FBXO8: variants seen among roughly 807,000 people sequenced by gnomAD.
The protein encoded by FBXO8 is F-box only protein 8.
In FBXO8, 15 loss-of-function variants were observed where a neutral mutation model predicts 33.4. The observed-to-expected ratio is 0.45, with a 90% confidence interval of 0.30 to 0.69. FBXO8 has a LOEUF of 0.69. FBXO8 is among the 30% of genes least tolerant of loss of function. FBXO8 has a pLI of 0.08. For synonymous variants in FBXO8, 132 were observed against 131.5 expected, an observed-to-expected ratio of 1.00 and a Z score of -0.02; for missense variants, 274 against 380.3, an observed-to-expected ratio of 0.72 and a Z score of 2.32.
Position 174,239,158 on chromosome 4 carries a change from T to G in FBXO8, c.608A>C (p.His203Pro). The G allele has an allele frequency of 6.3e-7, 1 of 1,595,780 alleles. No individual in the cohort carries two copies. Among genetic ancestry groups the G allele is most frequent in the Non-Finnish European group, 8.5e-7 (1 of 1,169,698 alleles). ...RDVLDDLVTL[H>P]NFRNQFLPNA... ...TGGCAAGAACTGATTTCTAAAATTA[T>G]GCAATGTTACAAGGTCATCCAAGAC... The change falls in exon 5 of 6, where the codon CAT (histidine) becomes CCT (proline). Residue 203 changes from histidine (H) to proline (P), a missense_variant. Coordinates refer to ENST00000393674, the MANE Select transcript of FBXO8 (RefSeq NM_012180.3).
chr4:174,242,031 A>G (rs1736052353), intron 3 of FBXO8, among the ~76,000 whole-genome samples: 1 of 151,628 alleles, frequency 6.6e-6, no homozygotes, highest in Non-Finnish European at 1.5e-5. Flanking sequence ...ACATTCAAAT[A>G]AATGTCTTCG....
intron 3 of FBXO8, among the ~76,000 whole-genome samples, chr4:174,243,479 C>A (rs1164531880): frequency 6.7e-6 from 1 of 150,060 alleles, no homozygotes; most frequent in Non-Finnish European, 1.5e-5. Flanking sequence ...CTGTAAGTCA[C>A]CCAAATTCTT....
At position 174,259,174 on chromosome 4, in the gene FBXO8, C is replaced by T. The variant is rs1579028406; in HGVS notation, c.456+525G>A. 6.6e-6 allele frequency among the ~76,000 whole-genome samples: 1 copy of T among 151,802 alleles called. No homozygotes were observed. The highest frequency in any genetic ancestry group is 2.4e-5 in the African/African-American group (1 of 41,364). On this transcript the variant is annotated intron_variant, in intron 3 of 5. Transcript: ENST00000393674. This position sits in a 1 kb window ranked among gnomAD's most constrained non-coding sequence, Gnocchi z 4.3. ...TTAAGAAAGAATTAAATAATTAATA[C>T]AAAATTATTCAATTTTATAACAATC...
At position 174,262,930 on chromosome 4, in the gene FBXO8, G is replaced by T. The variant is rs1285444932; in HGVS notation, c.163C>A (p.His55Asn). The T allele has an allele frequency of 6.2e-7, 1 of 1,614,040 alleles. No homozygotes were observed. Among genetic ancestry groups the T allele is most frequent in the South Asian group, 1.1e-5 (1 of 91,074 alleles). Reference protein sequence around the residue: ...KQVQGGIDIYHLLKARKSKEQ... With the variant: ...KQVQGGIDIYNLLKARKSKEQ... ...TTCGATTTCCTTGCCTTCAAAAGATGATATATGTCAATGCCTCCTTGGACT... is the reference window on the plus strand; with the variant it reads ...TTCGATTTCCTTGCCTTCAAAAGATTATATATGTCAATGCCTCCTTGGACT... Residue 55 changes from histidine (H) to asparagine (N), a missense_variant, in exon 2 of 6, where the codon CAT becomes AAT. His to Asn is a moderately conservative substitution (Grantham distance 68). Around this residue, in one of 2 missense-constraint regions of FBXO8, gnomAD observed 88 missense variants for 86.9 expected, o/e 1.01. Transcript: ENST00000393674. This position sits in a 1 kb window ranked among gnomAD's most constrained non-coding sequence, Gnocchi z 4.6.
At chr4:174,280,732 G>T (rs1737064898) in intron 1 of FBXO8, among the ~76,000 whole-genome samples, 1 of 152,092 alleles carries the variant, frequency 6.6e-6, no homozygotes, top group Admixed American at 6.5e-5. Flanking sequence ...AAATAAGCCA[G>T]TCAAAAAAAG....
At position 174,267,234 on chromosome 4, in the gene FBXO8, T is replaced by C. The variant is rs1027007212; in HGVS notation, c.-8-4134A>G. Among the ~76,000 whole-genome samples the C allele has an allele frequency of 6.6e-6, 1 of 152,192 alleles. No homozygotes were observed. The highest frequency in any genetic ancestry group is 2.4e-5 in the African/African-American group (1 of 41,442). On this transcript the variant is annotated intron_variant, in intron 1 of 5. Coordinates refer to ENST00000393674, the MANE Select transcript of FBXO8 (RefSeq NM_012180.3). The surrounding 1 kb of genome is among the most constrained non-coding windows in gnomAD (Gnocchi z 4.7). ...CAATAGCAGTTCCATGAAATAGGTCTTTGTGTTATTGTTAATAATCTGTCA... is the reference window on the plus strand; with the variant it reads ...CAATAGCAGTTCCATGAAATAGGTCCTTGTGTTATTGTTAATAATCTGTCA...
chr4:174,249,505 T>A (rs986667786), intron 3 of FBXO8, among the ~76,000 whole-genome samples: 9 of 152,104 alleles, frequency 5.9e-5, no homozygotes, highest in African/African-American at 1.7e-4. Flanking sequence ...GACTAACCCA[T>A]AAATACTAGT....
At chr4:174,271,726 G>C (rs1736840987) in intron 1 of FBXO8, among the ~76,000 whole-genome samples, 1 of 152,116 alleles carries the variant, frequency 6.6e-6, no homozygotes, top group African/African-American at 2.4e-5. Flanking sequence ...GCACAAATCT[G>C]TAAGTCACTT....
Position 174,256,637 on chromosome 4 carries a change from T to G in FBXO8, c.456+3062A>C, listed in dbSNP as rs1736422705. On this transcript the variant is annotated intron_variant, in intron 3 of 5. Transcript: ENST00000393674. This position sits in a 1 kb window ranked among gnomAD's most constrained non-coding sequence, Gnocchi z 4.6. ...GTACAGAATATAGTCACTGAACTACTTCCCCTCATTTCTCTGACCTTATTA... is the reference window on the plus strand; with the variant it reads ...GTACAGAATATAGTCACTGAACTACGTCCCCTCATTTCTCTGACCTTATTA... Among the ~76,000 whole-genome samples the G allele has an allele frequency of 6.6e-6, 1 of 152,210 alleles. No individual in the cohort carries two copies. Among genetic ancestry groups the G allele is most frequent in the Non-Finnish European group, 1.5e-5 (1 of 68,026 alleles).
At chr4:174,243,163 ATTC>A (rs1736079099) in intron 3 of FBXO8, among the ~76,000 whole-genome samples, 1 of 151,574 alleles carries the variant, frequency 6.6e-6, no homozygotes. Flanking sequence ...TGTTAGCCAT[ATTC>A]TGTTTTATAA....
chr4:174,259,550 T>C lies in FBXO8; in HGVS notation c.456+149A>G, dbSNP rs1372415649. ...GGCGAAGAAAAATGACTATGTCACATAGCAATAGTTTAAAATATTGGTTTT... is the reference window on the plus strand; with the variant it reads ...GGCGAAGAAAAATGACTATGTCACACAGCAATAGTTTAAAATATTGGTTTT... On this transcript the variant is annotated intron_variant, in intron 3 of 5. Transcript: ENST00000393674. This position sits in a 1 kb window ranked among gnomAD's most constrained non-coding sequence, Gnocchi z 4.3. The C allele has an allele frequency of 4.0e-5, 39 of 966,044 alleles. No individual in the cohort carries two copies. The Admixed American group carries it at 4.3e-4, about 11-fold the overall frequency. 59.8% of individuals were successfully genotyped at this position (966,044 alleles called of 1,614,324 possible).
At chr4:174,242,665 A>T (rs998341935) in intron 3 of FBXO8, among the ~76,000 whole-genome samples, 19 of 150,584 alleles carry the variant, frequency 1.3e-4, no homozygotes, top group Non-Finnish European at 7.5e-5. Context: ...AAAATGTAAT[A>T]TGATAAGATG....
chr4:174,238,970 T>C (rs1344132443), intron 5 of FBXO8, 24 bp downstream of exon 5: 1 of 1,363,748 alleles, frequency 7.3e-7, no homozygotes, highest in African/African-American at 1.5e-5. Context: ...GGGGGTGATG[T>C]ACTATTAATA....
chr4:174,259,849 CAAG>C lies in FBXO8; in HGVS notation c.330-27_330-25del, dbSNP rs1560871207. The C allele has an allele frequency of 1.9e-6, 3 of 1,555,020 alleles. No homozygotes were observed. The East Asian group carries it at 7.0e-5, about 36-fold the overall frequency. On this transcript the variant is annotated intron_variant, in intron 2 of 5. Transcript: ENST00000393674. This position sits in a 1 kb window ranked among gnomAD's most constrained non-coding sequence, Gnocchi z 4.3. The stretch of plus-strand genomic sequence containing the variant: ...ACCTATAAAATCAGAGAAAATGAGA[CAAG>C]AAAACATTACTACATTTAATTTCCT...
intron 1 of FBXO8, among the ~76,000 whole-genome samples, chr4:174,268,702 C>G (rs1171298624): frequency 5.3e-5 from 8 of 152,312 alleles, no homozygotes; most frequent in South Asian, 4.1e-4. Flanking sequence ...TCCCAAAGTG[C>G]TGGGATTACA....
chr4:174,269,636 G>C (rs1198787510), intron 1 of FBXO8, among the ~76,000 whole-genome samples: 1 of 146,566 alleles, frequency 6.8e-6, no homozygotes, highest in East Asian at 2.0e-4. Context: ...ACCGAGCCGA[G>C]AATGTGGCAC....
At chr4:174,238,203 G>C (rs933563657) in intron 5 of FBXO8, among the ~76,000 whole-genome samples, 2 of 151,882 alleles carry the variant, frequency 1.3e-5, no homozygotes, top group African/African-American at 2.4e-5. Flanking sequence ...CAAATCTTTA[G>C]GGAAAAGACT....
chr4:174,244,153 G>A (rs968505438), intron 3 of FBXO8, among the ~76,000 whole-genome samples: 2 of 151,404 alleles, frequency 1.3e-5, no homozygotes, highest in Non-Finnish European at 3.0e-5. Context: ...CTCTTTTGGG[G>A]GGCTATGGAC....
At chr4:174,258,481 T>A (rs1184184139) in intron 3 of FBXO8, among the ~76,000 whole-genome samples, 2 of 152,170 alleles carry the variant, frequency 1.3e-5, no homozygotes. Context: ...AGGTATCAGT[T>A]TGCTATTCAT....
Sources: gnomAD v4.1 joint callset for allele counts (sites outside exome capture counted in the v4.1 genomes callset) on GRCh38, gnomAD v4.1.1 for gene constraint, gnomAD v4.1.1 regional missense constraint, Gnocchi (gnomAD v3.1) non-coding constraint, MANE v1.5 for transcripts, NCBI Gene and HGNC (gene_info 2026-07-23, HGNC 2026-07-21) for gene names.